Variants in DNAH3 observed in about 807,000 individuals in gnomAD.
The protein encoded by DNAH3 is dynein axonemal heavy chain 3.
In DNAH3, 332 loss-of-function variants were observed where a neutral mutation model predicts 432.5. The observed-to-expected ratio is 0.77, with a 90% confidence interval of 0.70 to 0.84. The LOEUF is 0.84. Among genes scored for constraint, DNAH3 ranks in the 40% least tolerant of loss-of-function variants. The probability of loss-of-function intolerance (pLI) is 0.00; values close to 1 mark genes in which losing one functional copy is unlikely to be tolerated. For missense variants in DNAH3, 4,861 were observed against 5,114.0 expected (o/e 0.95, Z 1.51); for synonymous variants, 1,956 against 1,900.2 (o/e 1.03, Z -0.76).
chr16:20,935,550 A>ACTT, intron 60 of DNAH3, 65 bp from the exon 61 acceptor site: 1 of 1,549,646 alleles, frequency 6.5e-7, no homozygotes, highest in Non-Finnish European at 8.8e-7. Flanking sequence ...AAATGCAAGT[A>ACTT]ATGTAACGAG....
At chr16:20,962,922 G>A (rs1247029017) in intron 53 of DNAH3, among the ~76,000 whole-genome samples, 1 of 152,194 alleles carries the variant, frequency 6.6e-6, no homozygotes, top group Non-Finnish European at 1.5e-5. Context: ...TTCTCCCAAA[G>A]TGCTGGGATT....
chr16:21,139,030 G>A (rs1481679935), intron 5 of DNAH3, among the ~76,000 whole-genome samples: 1 of 152,138 alleles, frequency 6.6e-6, no homozygotes, highest in African/African-American at 2.4e-5. Flanking sequence ...CATAGTCACT[G>A]TGAGTTTTTA....
At position 20,933,189 on chromosome 16, in the gene DNAH3, G is replaced by C. The variant is rs532764833; in HGVS notation, c.12316C>G (p.Arg4106Gly). 4.1e-4 allele frequency: 667 copies of C among 1,614,168 alleles called. 9 individuals carry two copies. In the South Asian group the frequency reaches 6.3e-3, roughly 15 times the overall value. Residue 4106 changes from arginine to glycine, a missense_variant, in exon 62 of 62, where the codon CGA becomes GGA. Physicochemically the swap from Arg to Gly is moderately radical, Grantham distance 125. Transcript: ENST00000261383. ...AGCTGGCACAGTGAGGCCACCCCTC[G>C]GTTTATCCAGTGCTTCTGGGGCATG...
chr16:20,934,583 T>TA (rs1231598986), intron 61 of DNAH3, among the ~76,000 whole-genome samples: 3 of 152,202 alleles, frequency 2.0e-5, no homozygotes, highest in African/African-American at 7.2e-5. Flanking sequence ...GGTGTATGGG[T>TA]ACTCAAGGTG....
At chr16:20,933,782 C>T (rs1370722287) in intron 61 of DNAH3, among the ~76,000 whole-genome samples, 2 of 152,226 alleles carry the variant, frequency 1.3e-5, no homozygotes, top group African/African-American at 4.8e-5. Flanking sequence ...CTCTAACTAG[C>T]TTAGTGATTG....
intron 21 of DNAH3, among the ~76,000 whole-genome samples, chr16:21,072,412 T>C (rs2090822550): frequency 6.6e-6 from 1 of 152,052 alleles, no homozygotes; most frequent in East Asian, 1.9e-4. Flanking sequence ...CTGCAACCTC[T>C]GCCTTCCAGA....
At chr16:21,148,216 C>A (rs968686401) in intron 1 of DNAH3, among the ~76,000 whole-genome samples, 5 of 152,078 alleles carry the variant, frequency 3.3e-5, no homozygotes, top group Non-Finnish European at 5.9e-5. Context: ...TCCCGGAGCA[C>A]CTACCTCATT....
At chr16:20,944,366 C>T (rs928568549) in intron 58 of DNAH3, 130 bp downstream of exon 58, 1 of 1,049,728 alleles carries the variant, frequency 9.5e-7, no homozygotes, top group South Asian at 1.5e-5. Context: ...AGTGCTCCTT[C>T]CCTGCCCTTG....
At chr16:21,075,506 C>T in exon 21 of DNAH3, 1 of 1,614,078 alleles carries the variant, frequency 6.2e-7, no homozygotes, top group South Asian at 1.1e-5. Flanking sequence ...TTCATTCTAT[C>T]CAAGTTTTTC....
Position 21,141,291 on chromosome 16 carries a change from A to G in DNAH3, c.521+9T>C, listed in dbSNP as rs2152829137. The G allele has an allele frequency of 6.3e-7, 1 of 1,577,062 alleles. No homozygotes were observed. The highest frequency in any genetic ancestry group is 1.1e-5 in the South Asian group (1 of 87,024). ...CCTGCCTTCTCTGGTGCCCACAGTG[A>G]TATCTTACCTAGTGGAATCCTCTTT... On this transcript the variant is annotated intron_variant, in intron 4 of 61. Coordinates refer to ENST00000261383, the Ensembl canonical transcript of DNAH3.
chr16:20,964,931 C>G (rs758083617), exon 53 of DNAH3: 3 of 1,614,226 alleles, frequency 1.9e-6, no homozygotes, highest in Non-Finnish European at 2.5e-6. Context: ...AGCTGTCGGG[C>G]AGCTTCGGTC....
intron 3 of DNAH3, among the ~76,000 whole-genome samples, chr16:21,142,551 G>T (rs2092733816): frequency 6.6e-6 from 1 of 151,614 alleles, no homozygotes; most frequent in Non-Finnish European, 1.5e-5. Context: ...TTCAATAAGT[G>T]ATATAAAAAC....
At chr16:21,134,954 C>T (rs1319315676) in intron 6 of DNAH3, among the ~76,000 whole-genome samples, 1 of 152,126 alleles carries the variant, frequency 6.6e-6, no homozygotes, top group Non-Finnish European at 1.5e-5. Flanking sequence ...TCCCAAAGTG[C>T]TGCGATTATA....
intron 1 of DNAH3, among the ~76,000 whole-genome samples, chr16:21,156,838 G>A (rs1331974759): frequency 1.3e-5 from 2 of 152,070 alleles, no homozygotes; most frequent in Non-Finnish European, 2.9e-5. Context: ...AAACTCTGCT[G>A]GCCCAGCCAA....
chr16:21,020,385 ATATATATATATATTTT>A (rs1567647746), intron 40 of DNAH3, among the ~76,000 whole-genome samples: 2 of 33,732 alleles, frequency 5.9e-5, no homozygotes, highest in Non-Finnish European at 1.0e-4. Flanking sequence ...CTATATATAT[ATATATATATATATTTT>A]TTTTTTTTTT....
chr16:21,080,076 C>T (rs1044414308), intron 20 of DNAH3, among the ~76,000 whole-genome samples: 1 of 152,168 alleles, frequency 6.6e-6, no homozygotes, highest in African/African-American at 2.4e-5. Context: ...GTGGGCAGAT[C>T]ACCTGAGGTC....
At chr16:21,119,638 C>T (rs2092291281) in intron 11 of DNAH3, among the ~76,000 whole-genome samples, 1 of 151,512 alleles carries the variant, frequency 6.6e-6, no homozygotes, top group Non-Finnish European at 1.5e-5. Context: ...CTCTTGTTGC[C>T]CAGGCTGGAG....
At chr16:21,140,638 T>C in exon 5 of DNAH3, 1 of 1,614,202 alleles carries the variant, frequency 6.2e-7, no homozygotes, top group Non-Finnish European at 8.5e-7. Flanking sequence ...GTCTGCTTCC[T>C]GGGAACGTCA....
intron 48 of DNAH3, among the ~76,000 whole-genome samples, chr16:20,984,029 G>GAAAAAAGAAAAAA (rs2086051499): frequency 4.5e-5 from 5 of 112,156 alleles, no homozygotes; most frequent in African/African-American, 1.7e-4. Flanking sequence ...CCTATATCCA[G>GAAAAAAGAAAAAA]AAAAAAAAAA....
Sources: allele counts gnomAD v4.1 joint callset (sites outside exome capture counted in the v4.1 genomes callset), GRCh38; gene constraint gnomAD v4.1.1; transcripts MANE v1.5; gene names NCBI Gene and HGNC (gene_info 2026-07-23, HGNC 2026-07-21).